CCNE2: variants seen among roughly 807,000 people sequenced by gnomAD.
CCNE2 encodes the protein G1/S-specific cyclin-E2.
A neutral mutation model predicts 56.8 loss-of-function variants in CCNE2; 18 were observed. The ratio of observed to expected loss-of-function variants is 0.32; its 90% confidence interval spans 0.22 to 0.47. The LOEUF (loss-of-function observed/expected upper bound fraction) is 0.47. Among genes scored for constraint, CCNE2 ranks in the 20% least tolerant of loss-of-function variants. The probability of loss-of-function intolerance (pLI) is 1.00; values close to 1 mark genes in which losing one functional copy is unlikely to be tolerated. For synonymous variants in CCNE2, 139 were observed against 149.2 expected (o/e 0.93, Z 0.50); for missense variants, 371 against 467.1 (o/e 0.79, Z 1.90).
chr8:94,891,602 G>A (rs1586555958), intron 5 of CCNE2: 1 of 387,534 alleles, frequency 2.6e-6, no homozygotes. Context: ...AGGTTGCAGT[G>A]AGCCGAGATC....
upstream of CCNE2, chr8:94,895,377 C>T (rs561176218): frequency 2.2e-6 from 1 of 462,376 alleles, no homozygotes; most frequent in South Asian, 9.1e-5. Flanking sequence ...CCGTGGGGTC[C>T]ACTCTACCGG....
intron 7 of CCNE2, among the ~76,000 whole-genome samples, chr8:94,887,071 C>T (rs1227757656): frequency 1.3e-5 from 2 of 152,160 alleles, no homozygotes; most frequent in Non-Finnish European, 2.9e-5. Flanking sequence ...CCTCTTCTCT[C>T]AAAATGATAC....
intron 4 of CCNE2, 91 bp from the exon 5 acceptor site, chr8:94,893,060 A>G (rs909401888): frequency 2.9e-6 from 3 of 1,023,996 alleles, no homozygotes; most frequent in South Asian, 1.7e-5. Flanking sequence ...TAATATGTCT[A>G]AAGAATCATA....
intron 9 of CCNE2, among the ~76,000 whole-genome samples, chr8:94,883,120 C>CA (rs1171634430): frequency 2.0e-5 from 3 of 152,016 alleles, no homozygotes; most frequent in Non-Finnish European, 4.4e-5. Flanking sequence ...CTAAAAAATA[C>CA]AAAAAATTAG....
At chr8:94,891,677 AAAAC>A in intron 5 of CCNE2, 2 of 551,898 alleles carry the variant, frequency 3.6e-6, no homozygotes, top group East Asian at 3.8e-5. Flanking sequence ...AAAAAAAAAA[AAAAC>A]ACCATGAAGT....
In CCNE2 at chr8:94,882,888, A is replaced by G; in HGVS notation, c.836T>C (p.Leu279Ser). Reference protein sequence around the residue: ...QETFIQIAQLLDLCILAIDSL... With the variant: ...QETFIQIAQLSDLCILAIDSL... ...ATCAATGGCTAGAATACACAGATCTAAAAGCTAACAGGAAAAACAAAAGTA... is the reference window on the plus strand; with the variant it reads ...ATCAATGGCTAGAATACACAGATCTGAAAGCTAACAGGAAAAACAAAAGTA... Residue 279 changes from leucine to serine, a missense_variant, in exon 10 of 12, where the codon TTA (leucine) becomes TCA (serine). By Grantham distance (145) the Leu-to-Ser change is moderately radical (BLOSUM62 -2). Coordinates refer to ENST00000308108, the MANE Select transcript of CCNE2 (RefSeq NM_057749.3). The G allele has an allele frequency of 6.2e-7, 1 of 1,601,814 alleles. No individual in the cohort carries two copies. Among genetic ancestry groups the G allele is most frequent in the Non-Finnish European group, 8.6e-7 (1 of 1,169,350 alleles).
Position 94,882,813 on chromosome 8 carries a change from A to G in CCNE2, c.911T>C (p.Phe304Ser). The G allele has an allele frequency of 1.2e-6, 2 of 1,613,930 alleles. No homozygotes were observed. The highest frequency in any genetic ancestry group is 2.2e-5 in the South Asian group (2 of 91,078). ...RILTAAALCH[F>S]TSIEVVKKAS... ...TTTCTTAACCACTTCAATGGAGGTAAAATGGCACAAGGCAGCAGCAGTCAG... is the reference window on the plus strand; with the variant it reads ...TTTCTTAACCACTTCAATGGAGGTAGAATGGCACAAGGCAGCAGCAGTCAG... Residue 304 changes from phenylalanine to serine, a missense_variant, in exon 10 of 12, where the codon TTT becomes TCT. Physicochemically the swap from Phe to Ser is radical, Grantham distance 155. Coordinates refer to ENST00000308108, the MANE Select transcript of CCNE2 (RefSeq NM_057749.3).
intron 7 of CCNE2, among the ~76,000 whole-genome samples, chr8:94,887,260 C>T (rs1036033729): frequency 2.6e-5 from 4 of 152,152 alleles, no homozygotes; most frequent in East Asian, 1.9e-4. Context: ...AGTCCCAGCA[C>T]GCTGGGAGGC....
rs527896993 is a variant in CCNE2 at position 94,893,982 on chromosome 8, C to T, written c.112-38G>A. ...AAAGACCATTGGTAAACTAAAGTCCCAGCATGGAATTTCGTTCCTCCCTCT... is the reference window on the plus strand; with the variant it reads ...AAAGACCATTGGTAAACTAAAGTCCTAGCATGGAATTTCGTTCCTCCCTCT... On this transcript the variant is annotated intron_variant, in intron 3 of 11. Coordinates refer to ENST00000308108, the MANE Select transcript of CCNE2 (RefSeq NM_057749.3). The T allele has an allele frequency of 3.1e-6, 5 of 1,613,666 alleles. No individual in the cohort carries two copies. The African/African-American group carries it at 6.7e-5, about 22-fold the overall frequency.
intron 8 of CCNE2, 106 bp from the exon 9 acceptor site, chr8:94,885,307 T>C (rs1186496297): frequency 7.6e-6 from 9 of 1,191,742 alleles, no homozygotes; most frequent in East Asian, 2.4e-5. Flanking sequence ...ACCATAACCA[T>C]TGTCAATATT....
In CCNE2 at chr8:94,880,563, A is replaced by G; in HGVS notation, c.*1069T>C. The G allele has an allele frequency of 3.1e-6, 1 of 318,076 alleles. No homozygotes were observed. The highest frequency in any genetic ancestry group is 5.6e-6 in the Non-Finnish European group (1 of 178,218). The allele number at this position is 318,076 out of a possible 1,614,324, so 19.7% of individuals were successfully genotyped here. On this transcript the variant is annotated 3_prime_UTR_variant, in exon 12 of 12. Coordinates refer to ENST00000308108, the MANE Select transcript of CCNE2 (RefSeq NM_057749.3). The stretch of plus-strand genomic sequence containing the variant: ...ATTTAGAAATAGCTAGCCTATGTAC[A>G]GCAAGTTTTCATGTCTTTTTTTAAT...
upstream of CCNE2, chr8:94,895,634 C>G (rs1817475592): frequency 6.6e-6 from 1 of 152,284 alleles, no homozygotes; most frequent in Non-Finnish European, 1.5e-5. Flanking sequence ...CGTCCAGGGG[C>G]GCGCCCTAGC....
chr8:94,882,014 G>T, intron 11 of CCNE2, 118 bp downstream of exon 11: 3 of 1,019,556 alleles, frequency 2.9e-6, no homozygotes, highest in African/African-American at 1.6e-5. Flanking sequence ...AAATCAGTGT[G>T]CCCCTTAGAA....
chr8:94,885,370 T>G (rs1816996504), intron 8 of CCNE2, 93 bp downstream of exon 8: 1 of 1,059,692 alleles, frequency 9.4e-7, no homozygotes, highest in African/African-American at 1.6e-5. Context: ...TTTGACTTTT[T>G]ACATTGTAGT....
intron 6 of CCNE2, 46 bp downstream of exon 6, chr8:94,890,368 GT>G: frequency 1.4e-6 from 2 of 1,460,718 alleles, no homozygotes; most frequent in Non-Finnish European, 1.8e-6. Context: ...AGCTAAATAT[GT>G]TTCCATCATA....
At chr8:94,885,716 A>C (rs1817011583) in intron 7 of CCNE2, among the ~76,000 whole-genome samples, 158 bp from the exon 8 acceptor site, 2 of 150,560 alleles carry the variant, frequency 1.3e-5, no homozygotes, top group African/African-American at 4.9e-5. Context: ...GACAAAAAGT[A>C]CATTTTCTTT....
At chr8:94,894,561 C>T in intron 1 of CCNE2, 1 of 301,360 alleles carries the variant, frequency 3.3e-6, no homozygotes, top group Non-Finnish European at 6.2e-6. Context: ...CCCTCTCCCC[C>T]GTACACCGGG....
Position 94,882,785 on chromosome 8 carries a change from G to A in CCNE2, c.939C>T (p.Ala313=). 6.2e-7 allele frequency: 1 copy of A among 1,607,536 alleles called. No individual in the cohort carries two copies. The highest frequency in any genetic ancestry group is 1.7e-5 in the Admixed American group (1 of 59,994). The part of the protein sequence containing the change: ...HFTSIEVVKK[A]SGLEWDSISE... ...ACAACAAATAGAGAGTCTTACCTGAGGCTTTCTTAACCACTTCAATGGAGG... is the reference window on the plus strand; with the variant it reads ...ACAACAAATAGAGAGTCTTACCTGAAGCTTTCTTAACCACTTCAATGGAGG... The change falls in exon 10 of 12, where the codon GCC becomes GCT. Residue 313 remains alanine (A), a synonymous_variant. Coordinates refer to ENST00000308108, the MANE Select transcript of CCNE2 (RefSeq NM_057749.3).
chr8:94,893,868 C>T, intron 4 of CCNE2, 23 bp downstream of exon 4: 1 of 1,606,566 alleles, frequency 6.2e-7, no homozygotes, highest in Non-Finnish European at 8.5e-7. Flanking sequence ...CCCCCAAACC[C>T]ACCCAGCCCA....
Sources: gnomAD v4.1 joint callset for allele counts (sites outside exome capture counted in the v4.1 genomes callset) on GRCh38, gnomAD v4.1.1 for gene constraint, MANE v1.5 for transcripts, NCBI Gene and HGNC (gene_info 2026-07-23, HGNC 2026-07-21) for gene names.